SYN3: variants seen among roughly 807,000 people sequenced by gnomAD.
SYN3 encodes synapsin III.
SYN3 carries 35 observed loss-of-function variants against 65.8 expected under a neutral mutation model. That is an observed-to-expected ratio of 0.53 (90% CI 0.41 to 0.70). The LOEUF is 0.70. SYN3 is among the 30% of genes least tolerant of loss of function. The probability of loss-of-function intolerance (pLI) is 0.00; values close to 1 mark genes in which losing one functional copy is unlikely to be tolerated. For missense variants in SYN3, 680 were observed against 749.0 expected (o/e 0.91, Z 1.08); for synonymous variants, 270 against 292.9 (o/e 0.92, Z 0.80).
intron 6 of SYN3, among the ~76,000 whole-genome samples, chr22:32,698,987 A>T (rs2060775394): frequency 6.6e-6 from 1 of 152,152 alleles, no homozygotes; most frequent in Non-Finnish European, 1.5e-5. Context: ...CCGTGTCCAA[A>T]GTTAGAAAGC....
chr22:32,754,761 G>A (rs2045243733), intron 6 of SYN3, among the ~76,000 whole-genome samples: 1 of 152,244 alleles, frequency 6.6e-6, no homozygotes, highest in Admixed American at 6.5e-5. Flanking sequence ...AAGGGAAGGT[G>A]AGCGTCTCCA....
intron 1 of SYN3, among the ~76,000 whole-genome samples, chr22:33,009,748 C>G (rs921951334): frequency 2.2e-5 from 2 of 92,140 alleles, no homozygotes; most frequent in African/African-American, 7.7e-5. Context: ...ATATACGTAT[C>G]TAAACACACA....
intron 7 of SYN3, among the ~76,000 whole-genome samples, chr22:32,586,073 C>CATGTATATATGTATAT (rs1569065683): frequency 6.9e-5 from 10 of 145,418 alleles, no homozygotes; most frequent in African/African-American, 2.3e-4. Context: ...TATATGTATA[C>CATGTATATATGTATAT]ATGTATACAT....
chr22:32,868,839 C>T, intron 5 of SYN3, 127 bp downstream of exon 5: 1 of 665,934 alleles, frequency 1.5e-6, no homozygotes, highest in Non-Finnish European at 2.2e-6. Flanking sequence ...GATCCAAGTT[C>T]AGTTCAGTTG....
At chr22:32,967,546 T>A (rs1365626456) in intron 3 of SYN3, among the ~76,000 whole-genome samples, 1 of 152,202 alleles carries the variant, frequency 6.6e-6, no homozygotes, top group African/African-American at 2.4e-5. Flanking sequence ...GCTGGGAGAT[T>A]CCTTAGACAA....
intron 3 of SYN3, among the ~76,000 whole-genome samples, chr22:32,965,830 G>A (rs559052367): frequency 3.9e-5 from 6 of 152,216 alleles, no homozygotes; most frequent in African/African-American, 1.4e-4. Flanking sequence ...GAGTAGCTGG[G>A]ACTACAGGCG....
intron 7 of SYN3, among the ~76,000 whole-genome samples, chr22:32,591,917 A>G (rs776250665): frequency 9.9e-5 from 15 of 152,110 alleles, no homozygotes; most frequent in Non-Finnish European, 1.9e-4. Flanking sequence ...TGTATATGCC[A>G]CCCACCCGTT....
At chr22:32,617,834 G>C (rs186420982) in intron 6 of SYN3, among the ~76,000 whole-genome samples, 113 of 151,938 alleles carry the variant, frequency 7.4e-4, no homozygotes, top group African/African-American at 2.5e-3. Context: ...GACCCTGCCC[G>C]AGGCTTGAGG....
At chr22:32,623,668 A>G (rs1453481351) in intron 6 of SYN3, among the ~76,000 whole-genome samples, 1 of 152,188 alleles carries the variant, frequency 6.6e-6, no homozygotes, top group Non-Finnish European at 1.5e-5. Flanking sequence ...CTTGCCATTC[A>G]TTCAGCCAAT....
At chr22:32,764,989 C>A (rs1329740028) in intron 6 of SYN3, among the ~76,000 whole-genome samples, 1 of 152,040 alleles carries the variant, frequency 6.6e-6, no homozygotes, top group Non-Finnish European at 1.5e-5. Flanking sequence ...CACCCCCACC[C>A]TCTTGTCCTT....
At chr22:32,539,283 A>C (rs2146222579) in intron 8 of SYN3, among the ~76,000 whole-genome samples, 1 of 151,592 alleles carries the variant, frequency 6.6e-6, no homozygotes, top group Non-Finnish European at 1.5e-5. Context: ...AACCATTCTG[A>C]GACTGGGCAC....
chr22:33,057,894 A>G (rs574855439), intron 1 of SYN3: 158 of 152,398 alleles, frequency 1.0e-3, no homozygotes, highest in African/African-American at 3.6e-3. Flanking sequence ...GACCTAAGGC[A>G]GGTCCTAGGA....
rs936723738 is a variant in SYN3, at chr22:32,607,547, G to A, written c.712-10811C>T. 2.0e-5 allele frequency among the ~76,000 whole-genome samples: 3 copies of A among 151,976 alleles called. 1 individual carries two copies. The highest frequency in any genetic ancestry group is 4.8e-5 in the African/African-American group (2 of 41,364). ...GTCTGTGGTCTCCCTGCCCAGCCTCGAGCTCTCTGGCCTTCTAATCCCACC... is the reference window on the plus strand; with the variant it reads ...GTCTGTGGTCTCCCTGCCCAGCCTCAAGCTCTCTGGCCTTCTAATCCCACC... On this transcript the variant is annotated intron_variant, in intron 6 of 13. Coordinates refer to ENST00000358763, the MANE Select transcript of SYN3 (RefSeq NM_003490.4).
chr22:32,542,916 C>G (rs2146250309), intron 7 of SYN3, among the ~76,000 whole-genome samples: 1 of 152,142 alleles, frequency 6.6e-6, no homozygotes, highest in Admixed American at 6.5e-5. Flanking sequence ...CCACGGGAGC[C>G]CTGCTTGTCC....
chr22:32,788,433 C>G (rs1989438), intron 6 of SYN3, among the ~76,000 whole-genome samples: 13,418 of 151,962 alleles, frequency 0.088, 700 homozygotes, highest in Admixed American at 0.15. Context: ...CCTAGCTACT[C>G]AGGAGGCTGA....
chr22:32,688,654 G>T (rs996756374), intron 6 of SYN3, among the ~76,000 whole-genome samples: 10 of 151,796 alleles, frequency 6.6e-5, no homozygotes, highest in Admixed American at 2.6e-4. Context: ...TTTTCAAAGA[G>T]ATTTTTTTTT....
Position 32,529,072 on chromosome 22 carries a change from A to G in SYN3, c.1096-64T>C, listed in dbSNP as rs550005217. 653 of 1,604,720 alleles carry G rather than the reference A, an allele frequency of 4.1e-4. 1 individual carries two copies. Among genetic ancestry groups the G allele is most frequent in the Non-Finnish European group, 5.1e-4 (603 of 1,175,206 alleles). On this transcript the variant is annotated intron_variant, in intron 10 of 13. Transcript: ENST00000358763. ...AGGAGAGATGGCGGTTGGGCATCAC[A>G]TCCCAGAAGTGGGGGCTCAGGGCTC... is the stretch of plus-strand genomic sequence containing the variant.
chr22:33,046,884 C>T lies in SYN3; in HGVS notation c.-163+11408G>A, dbSNP rs563442424. ...AAAAAAAAATCCAAACTCCTTTCCA[C>T]AGCCCATGAGTTCCCACCAGGCCTG... is the stretch of plus-strand genomic sequence containing the variant. On this transcript the variant is annotated intron_variant, in intron 1 of 13. Transcript: ENST00000358763. 3.4e-5 allele frequency among the ~76,000 whole-genome samples: 5 copies of T among 148,824 alleles called. No homozygotes were observed. The East Asian group carries it at 9.9e-4, about 29-fold the overall frequency.
At chr22:32,968,485 G>A (rs1205227215) in intron 3 of SYN3, among the ~76,000 whole-genome samples, 1 of 152,136 alleles carries the variant, frequency 6.6e-6, no homozygotes. Context: ...CATACATCCT[G>A]CCTCTAGGAC....
Sources: gnomAD v4.1 joint callset for allele counts (sites outside exome capture counted in the v4.1 genomes callset) on GRCh38, gnomAD v4.1.1 for gene constraint, MANE v1.5 for transcripts, NCBI Gene and HGNC (gene_info 2026-07-23, HGNC 2026-07-21) for gene names.